GCSAML: variants seen among roughly 807,000 people sequenced by gnomAD.
GCSAML encodes the protein germinal center associated signaling and motility like, also known as germinal center-associated signaling and motility-like protein.
In GCSAML, 9 loss-of-function variants were observed where a neutral mutation model predicts 13.0. The ratio of observed to expected loss-of-function variants is 0.69; its 90% CI spans 0.42 to 1.21. GCSAML has a LOEUF of 1.21. Ranked by LOEUF, GCSAML falls within the 50% of genes most tolerant of loss-of-function variation. GCSAML has a pLI of 0.00. For synonymous variants in GCSAML, 37 were observed against 52.9 expected (o/e 0.70, Z 1.31); for missense variants, 143 against 153.4 (o/e 0.93, Z 0.36).
intron 3 of GCSAML, chr1:247,565,722 A>G: frequency 1.9e-6 from 1 of 524,766 alleles, no homozygotes; most frequent in Non-Finnish European, 3.3e-6. Flanking sequence ...CTATCTCAGA[A>G]CACATGTTCT....
At chr1:247,568,989 C>T (rs1218901636) in intron 4 of GCSAML, among the ~76,000 whole-genome samples, 1 of 105,416 alleles carries the variant, frequency 9.5e-6, no homozygotes, top group South Asian at 4.5e-4. Flanking sequence ...GGAGTCCACT[C>T]ATGATTTGGC....
At chr1:247,535,338 C>G (rs999226137) in intron 2 of GCSAML, among the ~76,000 whole-genome samples, 3 of 152,022 alleles carry the variant, frequency 2.0e-5, no homozygotes, top group African/African-American at 7.2e-5. Context: ...ACAAACCAAT[C>G]AGGGAGGTAG....
intron 1 of GCSAML, among the ~76,000 whole-genome samples, chr1:247,521,939 G>A (rs539683558): frequency 1.1e-4 from 16 of 151,880 alleles, no homozygotes; most frequent in South Asian, 4.2e-4. Flanking sequence ...AGTGAGGAGC[G>A]TCTCTGCCCG....
Position 247,535,851 on chromosome 1 carries a change from C to T in GCSAML, c.-148+8797C>T, listed in dbSNP as rs781757851. On this transcript the variant is annotated intron_variant, in intron 2 of 5. Transcript: ENST00000366489. ...CCGCAGAGATTCACCAAAATTGTCA[C>T]AATTAAAAACTCACTTTTCAAAATG... Among the ~76,000 whole-genome samples the T allele has an allele frequency of 1.5e-3, 223 of 152,160 alleles. 4 individuals are homozygous for T. The highest frequency in any genetic ancestry group is 7.9e-4 in the Admixed American group (12 of 15,278).
At chr1:247,569,530 C>T (rs1320255829) in intron 4 of GCSAML, among the ~76,000 whole-genome samples, 1 of 152,188 alleles carries the variant, frequency 6.6e-6, no homozygotes, top group Non-Finnish European at 1.5e-5. Context: ...GTATGTTGAA[C>T]CAGTCTTGCA....
upstream of GCSAML, among the ~76,000 whole-genome samples, chr1:247,544,242 C>T (rs1667497671): frequency 6.6e-6 from 1 of 152,102 alleles, no homozygotes; most frequent in South Asian, 2.1e-4. Context: ...CTTGTTAAAC[C>T]GAATTGTATC....
chr1:247,524,234 G>GCCCTCAGGTA (rs1323228059), intron 1 of GCSAML, among the ~76,000 whole-genome samples: 1 of 151,660 alleles, frequency 6.6e-6, no homozygotes, highest in African/African-American at 2.4e-5. Flanking sequence ...ACCTGGGCCT[G>GCCCTCAGGTA]AGGGATCTCT....
chr1:247,543,890 A>G lies in GCSAML; in HGVS notation c.-147-5155A>G, dbSNP rs148694347. 4.9e-3 allele frequency among the ~76,000 whole-genome samples: 745 copies of G among 152,228 alleles called. 11 individuals carry two copies. The highest frequency in any genetic ancestry group is 0.016 in the African/African-American group (685 of 41,530). On this transcript the variant is annotated intron_variant, in intron 2 of 5. Transcript: ENST00000366489. ...CTGCAGCTTCAAACTCCTGGGCTCA[A>G]GGGATCCTCTAATATCAGTCTCTGG...
chr1:247,516,696 A>C (rs1003657294), intron 1 of GCSAML, among the ~76,000 whole-genome samples: 2 of 152,164 alleles, frequency 1.3e-5, no homozygotes, highest in African/African-American at 4.8e-5. Flanking sequence ...CGTGGACAGC[A>C]GAGCTATGGA....
intron 2 of GCSAML, among the ~76,000 whole-genome samples, chr1:247,543,666 T>C (rs1667478184): frequency 6.6e-6 from 1 of 152,178 alleles, no homozygotes; most frequent in African/African-American, 2.4e-5. Flanking sequence ...CAAACTAAGA[T>C]TACTAAATTA....
intron 2 of GCSAML, among the ~76,000 whole-genome samples, chr1:247,561,324 C>T (rs1488396543): frequency 6.6e-6 from 1 of 152,166 alleles, no homozygotes; most frequent in Non-Finnish European, 1.5e-5. Flanking sequence ...TAAATGTATA[C>T]AATGTGTAAT....
chr1:247,520,913 T>C (rs1666393619), intron 1 of GCSAML, among the ~76,000 whole-genome samples: 1 of 152,266 alleles, frequency 6.6e-6, no homozygotes, highest in Admixed American at 6.5e-5. Context: ...CTTCTGTGTT[T>C]CTTATTAAGC....
chr1:247,560,338 T>C (rs571277539), intron 2 of GCSAML, among the ~76,000 whole-genome samples: 1 of 152,348 alleles, frequency 6.6e-6, no homozygotes, highest in East Asian at 1.9e-4. Flanking sequence ...TTAGATTATC[T>C]CAGTACTAAG....
In GCSAML at chr1:247,556,411, C is replaced by A. The variant is rs1667949234; in HGVS notation, c.34C>A (p.Leu12Met). The A allele has an allele frequency of 6.2e-7, 1 of 1,609,266 alleles. No homozygotes were observed. Reference protein sequence around the residue: ...GNYLLRKLSCLGENQKKPKKG... With the variant: ...GNYLLRKLSCMGENQKKPKKG... ...TTCTTATGTGTTTCCATATAGTTGC[C>A]TGGGAGAGAATCAAAAGAAGCCCAA... is the stretch of plus-strand genomic sequence containing the variant. The change falls in exon 2 of 5, where the codon CTG becomes ATG. Residue 12 changes from leucine to methionine, a missense_variant. Leu to Met is a conservative substitution (Grantham distance 15). Coordinates refer to ENST00000366488, the MANE Select transcript of GCSAML (RefSeq NM_145278.5).
At chr1:247,565,186 C>T (rs556396439) in intron 3 of GCSAML, among the ~76,000 whole-genome samples, 12 of 152,030 alleles carry the variant, frequency 7.9e-5, no homozygotes, top group African/African-American at 1.2e-4. Context: ...GGTGAAACCC[C>T]GTCTCTACTA....
chr1:247,572,164 G>A (rs971700962), intron 4 of GCSAML, among the ~76,000 whole-genome samples: 1 of 152,052 alleles, frequency 6.6e-6, no homozygotes, highest in African/African-American at 2.4e-5. Flanking sequence ...CTTTAGATCG[G>A]AAGAGTTTAT....
At chr1:247,563,077 TA>T (rs1200713006) in intron 2 of GCSAML, among the ~76,000 whole-genome samples, 1 of 150,770 alleles carries the variant, frequency 6.6e-6, no homozygotes, top group Non-Finnish European at 1.5e-5. Context: ...CTCGATCTCC[TA>T]ACCTCGTGAT....
At chr1:247,561,889 G>A (rs1329654276) in intron 2 of GCSAML, among the ~76,000 whole-genome samples, 2 of 151,996 alleles carry the variant, frequency 1.3e-5, no homozygotes, top group Non-Finnish European at 2.9e-5. Context: ...ACCCGGCGCC[G>A]CAAAGCCAAA....
chr1:247,542,009 CA>C, intron 2 of GCSAML, among the ~76,000 whole-genome samples: 1 of 101,692 alleles, frequency 9.8e-6, no homozygotes, highest in East Asian at 2.8e-4. Flanking sequence ...GACTCTGTCT[CA>C]AAAAAAAAGA....
Sources: allele counts gnomAD v4.1 joint callset (sites outside exome capture counted in the v4.1 genomes callset), GRCh38; gene constraint gnomAD v4.1.1; transcripts MANE v1.5; gene names NCBI Gene and HGNC (gene_info 2026-07-23, HGNC 2026-07-21).